GPC5: variants seen among roughly 807,000 people sequenced by gnomAD.
GPC5 encodes the protein glypican-5.
In GPC5, 47 loss-of-function variants were observed where a neutral mutation model predicts 53.9. The observed-to-expected ratio is 0.87, with a 90% CI of 0.69 to 1.11. The LOEUF is 1.11. Among genes scored for constraint, GPC5 ranks in the 50% most tolerant of loss-of-function variants. GPC5 has a pLI of 0.00. For missense variants in GPC5, 748 were observed against 713.1 expected (o/e 1.05, Z -0.56); for synonymous variants, 286 against 263.3 (o/e 1.09, Z -0.84).
At chr13:92,515,590 T>C (rs969839118) in intron 7 of GPC5, among the ~76,000 whole-genome samples, 2 of 152,204 alleles carry the variant, frequency 1.3e-5, no homozygotes, top group Non-Finnish European at 2.9e-5. Context: ...ATTTATTTTA[T>C]ATACCCTCAT....
At position 92,526,066 on chromosome 13, in the gene GPC5, A is replaced by G. The variant is rs140183936; in HGVS notation, c.1562-340216A>G. Among the ~76,000 whole-genome samples, 528 of 152,252 alleles carry G rather than the reference A, an allele frequency of 3.5e-3. 2 individuals carry two copies. Among genetic ancestry groups the G allele is most frequent in the Non-Finnish European group, 5.0e-3 (338 of 67,978 alleles). ...TGTCTTAAATGTTACTGTAGAACAC[A>G]GAAAACCTTCCTTGACTTCATGCTC... On this transcript the variant is annotated intron_variant, in intron 7 of 7. Transcript: ENST00000377067.
At chr13:91,971,925 GA>G (rs1161174994) in intron 6 of GPC5, among the ~76,000 whole-genome samples, 1 of 151,868 alleles carries the variant, frequency 6.6e-6, no homozygotes, top group Admixed American at 6.6e-5. Context: ...TGTGGTGCTG[GA>G]AAAAATGTAT....
At chr13:91,667,451 G>C (rs146185079) in intron 2 of GPC5, among the ~76,000 whole-genome samples, 1 of 152,152 alleles carries the variant, frequency 6.6e-6, no homozygotes, top group African/African-American at 2.4e-5. Flanking sequence ...TGATACAGTT[G>C]AGTGAAGTCA....
At chr13:91,867,358 A>C (rs2039096655) in intron 5 of GPC5, among the ~76,000 whole-genome samples, 1 of 152,206 alleles carries the variant, frequency 6.6e-6, no homozygotes, top group Admixed American at 6.5e-5. Context: ...CTAATCTTCT[A>C]CACCTTTTGC....
intron 7 of GPC5, among the ~76,000 whole-genome samples, chr13:92,396,795 G>T (rs1875300371): frequency 6.6e-6 from 1 of 152,168 alleles, no homozygotes; most frequent in South Asian, 2.1e-4. Context: ...CTTGTAGAGG[G>T]CCTCTTTCTC....
At chr13:92,774,102 G>A (rs557377302) in intron 7 of GPC5, among the ~76,000 whole-genome samples, 1 of 152,310 alleles carries the variant, frequency 6.6e-6, no homozygotes, top group Admixed American at 6.5e-5. Context: ...AATTCAAGGT[G>A]AGATTTGGGT....
At chr13:92,082,875 T>C (rs1405983775) in intron 6 of GPC5, among the ~76,000 whole-genome samples, 1 of 152,210 alleles carries the variant, frequency 6.6e-6, no homozygotes, top group Non-Finnish European at 1.5e-5. Context: ...TATTTAATTT[T>C]TGTGGACTTG....
chr13:92,237,788 C>A (rs1254908281), intron 7 of GPC5, among the ~76,000 whole-genome samples: 1 of 152,040 alleles, frequency 6.6e-6, no homozygotes, highest in Non-Finnish European at 1.5e-5. Context: ...TTTCATCACC[C>A]CATAAAGAAA....
At chr13:92,157,803 C>T (rs983012118) in intron 7 of GPC5, among the ~76,000 whole-genome samples, 7 of 152,046 alleles carry the variant, frequency 4.6e-5, no homozygotes, top group Non-Finnish European at 8.8e-5. Flanking sequence ...TTGAGTTAAA[C>T]TATCTCATTA....
rs182560049 is a variant in GPC5, at chr13:92,425,071, T to A, written c.1561+280082T>A. 5.9e-5 allele frequency among the ~76,000 whole-genome samples: 9 copies of A among 152,178 alleles called. No homozygotes were observed. In the East Asian group the frequency reaches 1.7e-3, roughly 29 times the overall value. On this transcript the variant is annotated intron_variant, in intron 7 of 7. Transcript: ENST00000377067. ...TCTATTTTTGTTTGTTGTTATTTCA[T>A]GTTTCTAGTTTCTCACATTTAATTT...
chr13:91,579,624 CTTTTTTT>C (rs3055895), intron 2 of GPC5, among the ~76,000 whole-genome samples: 4 of 102,616 alleles, frequency 3.9e-5, no homozygotes, highest in Admixed American at 2.2e-4. Flanking sequence ...TTTTCTTTTT[CTTTTTTT>C]TTTTTTTTTT....
At chr13:91,464,423 G>A (rs928836742) in intron 2 of GPC5, among the ~76,000 whole-genome samples, 7 of 152,202 alleles carry the variant, frequency 4.6e-5, no homozygotes, top group South Asian at 2.1e-4. Flanking sequence ...AACTATACAC[G>A]AATGTTCATA....
At chr13:92,463,936 A>G (rs942610137) in intron 7 of GPC5, among the ~76,000 whole-genome samples, 4 of 152,068 alleles carry the variant, frequency 2.6e-5, no homozygotes, top group African/African-American at 7.2e-5. Flanking sequence ...GGTTTTTGTC[A>G]TCTTATTTTT....
intron 7 of GPC5, among the ~76,000 whole-genome samples, chr13:92,605,730 C>G (rs540872680): frequency 1.8e-3 from 271 of 152,108 alleles, no homozygotes; most frequent in African/African-American, 6.4e-3. Flanking sequence ...GCTGGGACTA[C>G]AGGCGCCCGC....
intron 6 of GPC5, among the ~76,000 whole-genome samples, chr13:91,935,432 A>G (rs1216554872): frequency 6.6e-6 from 1 of 151,994 alleles, no homozygotes; most frequent in African/African-American, 2.4e-5. Context: ...TCCTTCCACC[A>G]TGTGAGGACA....
At chr13:91,618,501 C>T (rs2033760798) in intron 2 of GPC5, among the ~76,000 whole-genome samples, 1 of 152,022 alleles carries the variant, frequency 6.6e-6, no homozygotes, top group Non-Finnish European at 1.5e-5. Context: ...TCTCTCTCAG[C>T]CCACTCATGT....
At position 91,611,226 on chromosome 13, in the gene GPC5, A is replaced by G. The variant is rs149163561; in HGVS notation, c.326-81961A>G. Among the ~76,000 whole-genome samples, 79 of 152,332 alleles carry G rather than the reference A, an allele frequency of 5.2e-4. No individual in the cohort carries two copies. The East Asian group carries it at 0.012, about 24-fold the overall frequency. ...TCAACAAATGAAAACTAGTACAAGA[A>G]TATAAAAATTCTTTGCCAAGCAATT... On this transcript the variant is annotated intron_variant, in intron 2 of 7. Coordinates refer to ENST00000377067, the MANE Select transcript of GPC5 (RefSeq NM_004466.6).
At chr13:92,038,014 C>CT (rs1181669008) in intron 6 of GPC5, among the ~76,000 whole-genome samples, 2 of 152,056 alleles carry the variant, frequency 1.3e-5, no homozygotes, top group Non-Finnish European at 2.9e-5. Context: ...GAGAAACCCA[C>CT]TTAGGTTATT....
chr13:92,313,303 C>A (rs1047494315), intron 7 of GPC5, among the ~76,000 whole-genome samples: 1 of 152,034 alleles, frequency 6.6e-6, no homozygotes, highest in African/African-American at 2.4e-5. Context: ...AATAACACAC[C>A]AATATTGATT....
Sources: allele counts gnomAD v4.1 joint callset (sites outside exome capture counted in the v4.1 genomes callset), GRCh38; gene constraint gnomAD v4.1.1; transcripts MANE v1.5; gene names NCBI Gene and HGNC (gene_info 2026-07-23, HGNC 2026-07-21).